The following KCNQ1 variants were observed in gnomAD, a reference collection of about 807,000 sequenced individuals.
KCNQ1 encodes potassium voltage-gated channel subfamily Q member 1, also known as potassium voltage-gated channel subfamily KQT member 1.
In KCNQ1, 49 loss-of-function variants were observed where a neutral mutation model predicts 72.4. That is an observed-to-expected ratio of 0.68 (90% CI 0.54 to 0.86). KCNQ1 has a LOEUF of 0.86. Ranked by LOEUF, KCNQ1 falls within the 40% of genes least tolerant of loss-of-function variation. KCNQ1 has a pLI of 0.00. For missense variants in KCNQ1, 790 were observed against 945.1 expected, an observed-to-expected ratio of 0.84 and a Z score of 2.15; for synonymous variants, 450 against 412.6, an observed-to-expected ratio of 1.09 and a Z score of -1.10.
At chr11:2,778,350 G>A (rs954446700) in intron 15 of KCNQ1, among the ~76,000 whole-genome samples, 1 of 152,212 alleles carries the variant, frequency 6.6e-6, no homozygotes, top group African/African-American at 2.4e-5. Flanking sequence ...AGTCTGCTTT[G>A]TGCTCTGCGA....
intron 11 of KCNQ1, among the ~76,000 whole-genome samples, chr11:2,755,100 A>G (rs1846279028): frequency 6.6e-6 from 1 of 152,106 alleles, no homozygotes; most frequent in Admixed American, 6.5e-5. Context: ...TGCCTTTTTC[A>G]GCTTCTAGGG....
At chr11:2,632,226 A>G (rs1467954925) in intron 10 of KCNQ1, 1 of 395,970 alleles carries the variant, frequency 2.5e-6, no homozygotes, top group Non-Finnish European at 4.4e-6. Flanking sequence ...AATTTTGTGT[A>G]CTGACTTACT....
In KCNQ1 at chr11:2,683,473, A is replaced by G. The variant is rs1850431995; in HGVS notation, c.1514+21392A>G. On this transcript the variant is annotated intron_variant, in intron 11 of 15. Transcript: ENST00000155840. The surrounding 1 kb of genome is among the most constrained non-coding windows in gnomAD (Gnocchi z 4.7). ...AATTACATATGATTCCATCAATGAC[A>G]GTTTTCCTATTAAAACATAACTTGT... is the stretch of plus-strand genomic sequence containing the variant. 1 of 398,564 alleles carries G rather than the reference A, an allele frequency of 2.5e-6. No homozygotes were observed. The highest frequency in any genetic ancestry group is 4.4e-6 in the Non-Finnish European group (1 of 226,072). The allele number at this position is 398,564 out of a possible 1,614,324, so 24.7% of individuals were successfully genotyped here.
chr11:2,548,313 T>C (rs538888074), intron 2 of KCNQ1, among the ~76,000 whole-genome samples: 28 of 152,312 alleles, frequency 1.8e-4, no homozygotes, highest in African/African-American at 6.0e-4. Flanking sequence ...TTCCCTTGGA[T>C]TTTGTTTCTC....
In KCNQ1 at chr11:2,602,474, GT is replaced by G. The variant is rs1397530933; in HGVS notation, c.1393+13624del. ...GAGTTGTGTGGCAGTTGCATGTTTA[GT>G]TTTATAAGAAACTACCAAACTGATT... On this transcript the variant is annotated intron_variant, in intron 10 of 15. Coordinates refer to ENST00000155840, the MANE Select transcript of KCNQ1 (RefSeq NM_000218.3). This position sits in a 1 kb window ranked among gnomAD's most constrained non-coding sequence, Gnocchi z 4.8. Among the ~76,000 whole-genome samples the G allele has an allele frequency of 1.3e-5, 2 of 152,192 alleles. No homozygotes were observed. Among genetic ancestry groups the G allele is most frequent in the Admixed American group, 1.3e-4 (2 of 15,284 alleles).
At chr11:2,754,644 A>G (rs1846272431) in intron 11 of KCNQ1, among the ~76,000 whole-genome samples, 1 of 152,232 alleles carries the variant, frequency 6.6e-6, no homozygotes, top group Non-Finnish European at 1.5e-5. Context: ...ATCATCCTCC[A>G]GAAGGAAAAA....
chr11:2,596,915 A>G (rs1246716700), intron 10 of KCNQ1, among the ~76,000 whole-genome samples: 1 of 151,796 alleles, frequency 6.6e-6, no homozygotes, highest in Non-Finnish European at 1.5e-5. Flanking sequence ...TAGCAAAAAA[A>G]CATACTGAAA....
At chr11:2,585,400 C>T (rs1848579344) in intron 8 of KCNQ1, 93 bp downstream of exon 8, 3 of 1,148,432 alleles carry the variant, frequency 2.6e-6, no homozygotes, top group Admixed American at 3.7e-5. Context: ...CCATCATTGG[C>T]CCCTGCATCA....
rs1380554708 is a variant in KCNQ1 at position 2,563,999 on chromosome 11, A to G, written c.478-6629A>G. 6.6e-6 allele frequency among the ~76,000 whole-genome samples: 1 copy of G among 152,220 alleles called. No homozygotes were observed. Among genetic ancestry groups the G allele is most frequent in the Non-Finnish European group, 1.5e-5 (1 of 68,040 alleles). On this transcript the variant is annotated intron_variant, in intron 2 of 15. Transcript: ENST00000155840. The surrounding 1 kb of genome is among the most constrained non-coding windows in gnomAD (Gnocchi z 7.4). Reference sequence around the variant, plus strand: ...GGCCGCTGGGTGGCCCTGAAGGCCCACAGAATCCTTTTGGAGACCTGACCC... The same window carrying G: ...GGCCGCTGGGTGGCCCTGAAGGCCCGCAGAATCCTTTTGGAGACCTGACCC...
chr11:2,560,541 G>A (rs1486617639), intron 2 of KCNQ1, among the ~76,000 whole-genome samples: 5 of 38,460 alleles, frequency 1.3e-4, no homozygotes, highest in East Asian at 9.3e-4. Context: ...CTGGGGGGGC[G>A]GGGGGGGGTG....
chr11:2,551,361 G>A lies in KCNQ1; in HGVS notation c.478-19267G>A, dbSNP rs192706514. On this transcript the variant is annotated intron_variant, in intron 2 of 15. Transcript: ENST00000155840. Reference sequence around the variant, plus strand: ...CGTCATGTGAATGGAATCTCGCGGCGTGTAGCCTCTGCGCCTGGCTTCTGT... The same window carrying A: ...CGTCATGTGAATGGAATCTCGCGGCATGTAGCCTCTGCGCCTGGCTTCTGT... Among the ~76,000 whole-genome samples the A allele has an allele frequency of 9.5e-4, 145 of 152,350 alleles. 1 individual carries two copies. The highest frequency in any genetic ancestry group is 3.3e-3 in the African/African-American group (138 of 41,582).
chr11:2,848,694 G>A lies in KCNQ1; in HGVS notation c.*691G>A, dbSNP rs1275764735. 8.9e-6 allele frequency: 4 copies of A among 450,606 alleles called. No individual in the cohort carries two copies. Among genetic ancestry groups the A allele is most frequent in the Non-Finnish European group, 1.8e-5 (4 of 223,976 alleles). The allele number at this position is 450,606 out of a possible 1,614,324, so 27.9% of individuals were successfully genotyped here. On this transcript the variant is annotated 3_prime_UTR_variant, in exon 16 of 16. Transcript: ENST00000155840. ...GTTAGACTGCCAGCTCTTCCTAGCT[G>A]GAGAGGAGCCCTGCCTCTCCGCCCC...
chr11:2,472,645 G>A (rs963061858), intron 1 of KCNQ1, among the ~76,000 whole-genome samples: 12 of 102,810 alleles, frequency 1.2e-4, no homozygotes, highest in African/African-American at 3.1e-4. Flanking sequence ...CACTGGCTGC[G>A]TGAGATGTGA....
Position 2,621,052 on chromosome 11 carries a change from A to G in KCNQ1, c.1393+32198A>G. On this transcript the variant is annotated intron_variant, in intron 10 of 15. Coordinates refer to ENST00000155840, the MANE Select transcript of KCNQ1 (RefSeq NM_000218.3). The surrounding 1 kb of genome is among the most constrained non-coding windows in gnomAD (Gnocchi z 5.7). ...GAGTGCAGTGGCGCAATCTCGGCTC[A>G]CTGCAACCTCCACCTCCTGGGTTCA... 1 of 396,720 alleles carries G rather than the reference A, an allele frequency of 2.5e-6. No homozygotes were observed. Among genetic ancestry groups the G allele is most frequent in the East Asian group, 3.6e-5 (1 of 27,998 alleles). The allele number at this position is 396,720 out of a possible 1,614,324, so 24.6% of individuals were successfully genotyped here. A position where few individuals can be genotyped will look rare whatever the true frequency, so the allele number is the denominator to read the frequency against.
At chr11:2,545,416 G>A (rs1847890352) in intron 2 of KCNQ1, among the ~76,000 whole-genome samples, 1 of 152,160 alleles carries the variant, frequency 6.6e-6, no homozygotes, top group South Asian at 2.1e-4. Flanking sequence ...GACTTTGCTT[G>A]ATGAGAAGAT....
intron 11 of KCNQ1, among the ~76,000 whole-genome samples, chr11:2,701,173 T>A (rs1850807098): frequency 6.6e-6 from 1 of 152,174 alleles, no homozygotes; most frequent in South Asian, 2.1e-4. Flanking sequence ...AAAATATACG[T>A]CTACGGGAGA....
intron 1 of KCNQ1, among the ~76,000 whole-genome samples, chr11:2,459,171 G>A (rs529759504): frequency 5.1e-4 from 78 of 152,316 alleles, no homozygotes; most frequent in Non-Finnish European, 9.0e-4. Context: ...ACTGCAAAAC[G>A]AGAGACGGAC....
rs527521493 is a variant in KCNQ1, at chr11:2,458,710, G to C, written c.386+13226G>C. Among the ~76,000 whole-genome samples the C allele has an allele frequency of 5.7e-4, 87 of 152,144 alleles. No homozygotes were observed. The highest frequency in any genetic ancestry group is 6.8e-3 in the Middle Eastern group (2 of 294). ...ATCGATCGATCTCACCAAGCCTCGT[G>C]CTCTAAGTACAAGTTTACTGGAAAT... On this transcript the variant is annotated intron_variant, in intron 1 of 15. Coordinates refer to ENST00000155840, the MANE Select transcript of KCNQ1 (RefSeq NM_000218.3). The surrounding 1 kb of genome is among the most constrained non-coding windows in gnomAD (Gnocchi z 4.6).
chr11:2,722,551 G>T (rs1350313936), intron 11 of KCNQ1, among the ~76,000 whole-genome samples: 1 of 152,180 alleles, frequency 6.6e-6, no homozygotes, highest in Non-Finnish European at 1.5e-5. Context: ...GCCACGGCTG[G>T]TGGGTCCCAC....
Sources: allele counts gnomAD v4.1 joint callset (sites outside exome capture counted in the v4.1 genomes callset), GRCh38; gene constraint gnomAD v4.1.1; non-coding constraint Gnocchi (gnomAD v3.1); transcripts MANE v1.5; gene names NCBI Gene and HGNC (gene_info 2026-07-23, HGNC 2026-07-21).